The following CEP85L variants were observed in gnomAD, a reference collection of about 807,000 sequenced individuals.
CEP85L encodes centrosomal protein of 85 kDa-like.
In CEP85L, 60 loss-of-function variants were observed where a neutral mutation model predicts 100.3. The observed-to-expected ratio is 0.60, with a 90% confidence interval of 0.49 to 0.74. The LOEUF (loss-of-function observed/expected upper bound fraction) is 0.74. CEP85L is among the 30% of genes least tolerant of loss of function. The pLI, the probability that CEP85L is intolerant of heterozygous loss-of-function variation, is 0.00. For synonymous variants in CEP85L, 319 were observed against 322.7 expected, an observed-to-expected ratio of 0.99 and a Z score of 0.12; for missense variants, 973 against 936.2, an observed-to-expected ratio of 1.04 and a Z score of -0.51.
chr6:118,573,280 T>C lies in CEP85L; in HGVS notation c.233-6964A>G, dbSNP rs541950916. ...GAATCCAGAACACAATGGACTAATA[T>C]CTTCAAAGGGTTGGGTAAATAACTG... On this transcript the variant is annotated intron_variant, in intron 2 of 12. Transcript: ENST00000368491. Among the ~76,000 whole-genome samples the C allele has an allele frequency of 5.3e-5, 8 of 152,260 alleles. No homozygotes were observed. In the South Asian group the frequency reaches 8.3e-4, roughly 16 times the overall value.
intron 2 of CEP85L, among the ~76,000 whole-genome samples, chr6:118,622,421 T>C (rs1300843429): frequency 6.6e-6 from 1 of 152,182 alleles, no homozygotes; most frequent in Non-Finnish European, 1.5e-5. Context: ...TTATGCCGCC[T>C]GGGAGGATCT....
chr6:118,621,867 T>C (rs995621989), intron 2 of CEP85L, among the ~76,000 whole-genome samples: 1 of 152,188 alleles, frequency 6.6e-6, no homozygotes, highest in African/African-American at 2.4e-5. Flanking sequence ...AGCCACTCTA[T>C]ATTCTGATAA....
chr6:118,672,491 C>T (rs1175166955), intron 1 of CEP85L, among the ~76,000 whole-genome samples: 1 of 152,060 alleles, frequency 6.6e-6, no homozygotes, highest in Non-Finnish European at 1.5e-5. Context: ...CCATGGCCAG[C>T]CATTGTGGCT....
At chr6:118,514,921 C>T (rs780355633) in intron 4 of CEP85L, among the ~76,000 whole-genome samples, 153 of 152,002 alleles carry the variant, frequency 1.0e-3, no homozygotes, top group Middle Eastern at 3.4e-3. Flanking sequence ...CTTCCTGTCT[C>T]AGCCTTCCAA....
intron 3 of CEP85L, chr6:118,560,784 T>G (rs980631647): frequency 6.4e-6 from 1 of 157,366 alleles, no homozygotes; most frequent in African/African-American, 2.4e-5. Context: ...ATAAAACAAC[T>G]GAAGTAAAAT....
At chr6:118,571,830 A>C (rs1461784212) in intron 2 of CEP85L, among the ~76,000 whole-genome samples, 1 of 152,138 alleles carries the variant, frequency 6.6e-6, no homozygotes, top group Non-Finnish European at 1.5e-5. Context: ...TAAAATTGTT[A>C]ACCCTAACCA....
chr6:118,512,338 C>T (rs866467620), intron 4 of CEP85L, among the ~76,000 whole-genome samples: 5 of 151,816 alleles, frequency 3.3e-5, no homozygotes, highest in Admixed American at 2.6e-4. Context: ...AGGAAGCTAC[C>T]GACGGTGTGT....
At chr6:118,525,787 T>C (rs139942449) in intron 3 of CEP85L, among the ~76,000 whole-genome samples, 2 of 152,340 alleles carry the variant, frequency 1.3e-5, no homozygotes, top group East Asian at 1.9e-4. Context: ...AGGAACCTAG[T>C]ATAACTGGTA....
intron 2 of CEP85L, among the ~76,000 whole-genome samples, chr6:118,588,905 G>C (rs1781018072): frequency 2.0e-5 from 3 of 152,192 alleles, no homozygotes; most frequent in Non-Finnish European, 4.4e-5. Context: ...TAGCCGGAAA[G>C]AGTCATCACC....
chr6:118,506,598 C>CTGGGGA (rs1230139958), intron 5 of CEP85L, among the ~76,000 whole-genome samples: 2 of 152,138 alleles, frequency 1.3e-5, no homozygotes, highest in Non-Finnish European at 2.9e-5. Flanking sequence ...CTCCCCTTGC[C>CTGGGGA]TGGGGAGTTG....
intron 1 of CEP85L, among the ~76,000 whole-genome samples, chr6:118,699,382 G>A (rs556548002): frequency 6.6e-6 from 1 of 151,364 alleles, no homozygotes; most frequent in South Asian, 2.1e-4. Context: ...TTGAGCCCAG[G>A]AGGTCAAGGC....
At chr6:118,600,806 A>G (rs897469034) in intron 2 of CEP85L, among the ~76,000 whole-genome samples, 5 of 151,800 alleles carry the variant, frequency 3.3e-5, no homozygotes, top group Admixed American at 1.3e-4. Context: ...TTTTTTAAAA[A>G]AAAAAAAAAT....
intron 4 of CEP85L, among the ~76,000 whole-genome samples, chr6:118,516,150 C>T (rs530921194): frequency 6.6e-6 from 1 of 152,266 alleles, no homozygotes; most frequent in South Asian, 2.1e-4. Context: ...CCAGTTGTAT[C>T]ATTGATGGGT....
chr6:118,507,564 T>C (rs548523160), intron 5 of CEP85L, among the ~76,000 whole-genome samples: 6 of 152,332 alleles, frequency 3.9e-5, no homozygotes, highest in African/African-American at 1.4e-4. Context: ...CCTCAGGTCA[T>C]TGATATCACT....
intron 3 of CEP85L, among the ~76,000 whole-genome samples, chr6:118,528,198 GCTTTT>G (rs547210507): frequency 4.0e-4 from 61 of 150,618 alleles, no homozygotes; most frequent in African/African-American, 1.5e-3. Context: ...TAAGAAAGTG[GCTTTT>G]CTTTTCTTTT....
chr6:118,685,769 T>C (rs981764317), intron 1 of CEP85L, among the ~76,000 whole-genome samples: 47 of 151,374 alleles, frequency 3.1e-4, no homozygotes, highest in African/African-American at 1.1e-3. Context: ...GAATGAGGGA[T>C]GACAGTGGAA....
At chr6:118,505,799 G>T (rs575016879) in intron 5 of CEP85L, among the ~76,000 whole-genome samples, 4 of 152,156 alleles carry the variant, frequency 2.6e-5, no homozygotes, top group African/African-American at 9.7e-5. Flanking sequence ...TGCATGATAC[G>T]ATAATGGTGG....
At chr6:118,544,070 C>T (rs1778060091) in intron 3 of CEP85L, among the ~76,000 whole-genome samples, 1 of 152,118 alleles carries the variant, frequency 6.6e-6, no homozygotes, top group South Asian at 2.1e-4. Flanking sequence ...AGTGATAGTG[C>T]CACCACAAAG....
At chr6:118,662,535 GAA>G (rs71012399) in intron 1 of CEP85L, among the ~76,000 whole-genome samples, 1,972 of 138,892 alleles carry the variant, frequency 0.014, 48 homozygotes, top group African/African-American at 0.044. Context: ...CATCTCAAAA[GAA>G]AAAAAAAAAA....
Sources: gnomAD v4.1 joint callset for allele counts (sites outside exome capture counted in the v4.1 genomes callset) on GRCh38, gnomAD v4.1.1 for gene constraint, MANE v1.5 for transcripts, NCBI Gene and HGNC (gene_info 2026-07-23, HGNC 2026-07-21) for gene names.